Variants in TRIB1 observed in about 807,000 individuals in gnomAD.
The protein encoded by TRIB1 is tribbles pseudokinase 1.
Under a neutral mutation model 27.8 loss-of-function variants are expected in TRIB1, and 12 were observed. That is an observed-to-expected ratio of 0.43 (90% CI 0.28 to 0.70). TRIB1 has a LOEUF of 0.70. Ranked by LOEUF, TRIB1 falls within the 30% of genes least tolerant of loss-of-function variation. The pLI, the probability that TRIB1 is intolerant of heterozygous loss-of-function variation, is 0.18. For synonymous variants in TRIB1, 230 were observed against 224.9 expected (o/e 1.02, Z -0.20); for missense variants, 475 against 515.8 (o/e 0.92, Z 0.77).
chr8:125,430,380 T>C lies in TRIB1; in HGVS notation c.-523T>C, dbSNP rs184720308. ...CTCACACTCACTCACAGTCACTCTC[T>C]CTGAGCGCGTCTCGCTCGCTCTCAT... On this transcript the variant is annotated 5_prime_UTR_variant, in exon 1 of 3. Transcript: ENST00000311922. The C allele has an allele frequency of 6.5e-6, 1 of 153,456 alleles. No individual in the cohort carries two copies. The highest frequency in any genetic ancestry group is 2.4e-5 in the African/African-American group (1 of 41,558). The allele number at this position is 153,456 out of a possible 1,614,324, so 9.5% of individuals were successfully genotyped here. A position where few individuals can be genotyped will look rare whatever the true frequency, so the allele number is the denominator to read the frequency against.
Position 125,433,053 on chromosome 8 carries a change from A to G in TRIB1, c.361-264A>G, listed in dbSNP as rs72647339. 85 of 463,572 alleles carry G rather than the reference A, an allele frequency of 1.8e-4. 1 individual carries two copies. Among genetic ancestry groups the G allele is most frequent in the Non-Finnish European group, 7.8e-6 (2 of 255,490 alleles). The allele number at this position is 463,572 out of a possible 1,614,324, so 28.7% of individuals were successfully genotyped here. On this transcript the variant is annotated intron_variant, in intron 1 of 2. Transcript: ENST00000311922. The surrounding 1 kb of genome is among the most constrained non-coding windows in gnomAD (Gnocchi z 4.4). ...GACAGAAGATGGGAACATGTACAGG[A>G]GACAGTTCTTTCAAATCATCTGTGT...
Position 125,433,190 on chromosome 8 carries a change from G to A in TRIB1, c.361-127G>A. ...TAAGGTAAGGTGGCAGAGGAAAGGA[G>A]TAGGTGAATGGAACTTACTCACATC... On this transcript the variant is annotated intron_variant, in intron 1 of 2. Transcript: ENST00000311922. The surrounding 1 kb of genome is among the most constrained non-coding windows in gnomAD (Gnocchi z 4.4). 1 of 995,088 alleles carries A rather than the reference G, an allele frequency of 1.0e-6. No individual in the cohort carries two copies. Among genetic ancestry groups the A allele is most frequent in the East Asian group, 2.4e-5 (1 of 41,250 alleles). 61.6% of individuals were successfully genotyped at this position (995,088 alleles called of 1,614,324 possible). A position where few individuals can be genotyped will look rare whatever the true frequency, so the allele number is the denominator to read the frequency against.
At position 125,436,602 on chromosome 8, in the gene TRIB1, G is replaced by A; in HGVS notation, c.*131G>A. On this transcript the variant is annotated 3_prime_UTR_variant, in exon 3 of 3. Transcript: ENST00000311922. ...GATGAAAGCTGCTGAACTCGGCATG[G>A]CGCCTCCTCTTCTCTGTTGGGATGA... is the stretch of plus-strand genomic sequence containing the variant. 1.2e-6 allele frequency: 1 copy of A among 833,110 alleles called. No homozygotes were observed. The highest frequency in any genetic ancestry group is 1.9e-6 in the Non-Finnish European group (1 of 538,330). The allele number at this position is 833,110 out of a possible 1,614,324, so 51.6% of individuals were successfully genotyped here. A position where few individuals can be genotyped will look rare whatever the true frequency, so the allele number is the denominator to read the frequency against.
At position 125,436,212 on chromosome 8, in the gene TRIB1, C is replaced by T; in HGVS notation, c.860C>T (p.Ser287Leu). 1 of 1,614,164 alleles carries T rather than the reference C, an allele frequency of 6.2e-7. No individual in the cohort carries two copies. The highest frequency in any genetic ancestry group is 8.5e-7 in the Non-Finnish European group (1 of 1,180,034). ...GTTGGACGATACCCCTTCCATGACT[C>T]AGACCCCAGTGCCCTTTTCTCCAAA... ...LLVGRYPFHD[S>L]DPSALFSKIR... The change falls in exon 3 of 3, where the codon TCA becomes TTA. Residue 287 changes from serine (S) to leucine (L), a missense_variant. Transcript: ENST00000311922.
chr8:125,434,844 T>A (rs1814721888), intron 2 of TRIB1, among the ~76,000 whole-genome samples: 2 of 151,892 alleles, frequency 1.3e-5, no homozygotes, highest in Non-Finnish European at 2.9e-5. Context: ...CCAATGGGTA[T>A]TTTACATAAC....
Position 125,431,068 on chromosome 8 carries a change from C to G in TRIB1, c.166C>G (p.Pro56Ala). ...CCCGCGCCTCTCCGAGTGCTCCAGCCCCCCGGACTACCTCAGCCCCCCCGG... is the reference window on the plus strand; with the variant it reads ...CCCGCGCCTCTCCGAGTGCTCCAGCGCCCCGGACTACCTCAGCCCCCCCGG... ...KCPRLSECSSPPDYLSPPGSP... is the reference protein window; with the variant it reads ...KCPRLSECSSAPDYLSPPGSP... Residue 56 changes from proline to alanine, a missense_variant, in exon 1 of 3, where the codon CCC becomes GCC. Physicochemically the swap from Pro to Ala is conservative, Grantham distance 27. Coordinates refer to ENST00000311922, the MANE Select transcript of TRIB1 (RefSeq NM_025195.4). The G allele has an allele frequency of 7.0e-7, 1 of 1,433,248 alleles. No individual in the cohort carries two copies. Among genetic ancestry groups the G allele is most frequent in the Non-Finnish European group, 9.1e-7 (1 of 1,100,348 alleles). The allele number at this position is 1,433,248 out of a possible 1,614,324, so 88.8% of individuals were successfully genotyped here.
Position 125,433,563 on chromosome 8 carries a change from C to G in TRIB1, c.607C>G (p.Leu203Val). The G allele has an allele frequency of 1.9e-6, 3 of 1,612,728 alleles. No homozygotes were observed. The highest frequency in any genetic ancestry group is 2.5e-6 in the Non-Finnish European group (3 of 1,178,872). ...VAHCHQSAIV[L>V]GDLKLRKFVF... ...CCACTGCCACCAGTCAGCCATCGTG[C>G]TGGGGGACCTGAAGCTTAGGAAGTT... Residue 203 changes from leucine (L) to valine (V), a missense_variant, in exon 2 of 3, where the codon CTG (leucine) becomes GTG (valine). Physicochemically the swap from Leu to Val is conservative, Grantham distance 32. Coordinates refer to ENST00000311922, the MANE Select transcript of TRIB1 (RefSeq NM_025195.4). The surrounding 1 kb of genome is among the most constrained non-coding windows in gnomAD (Gnocchi z 4.4).
At chr8:125,435,481 A>C (rs12541939) in intron 2 of TRIB1, among the ~76,000 whole-genome samples, 11,100 of 152,184 alleles carry the variant, frequency 0.073, 997 homozygotes, top group African/African-American at 0.2. Context: ...CAGTGTGGGC[A>C]CCAGCGCTGA....
Position 125,438,000 on chromosome 8 carries a change from C to T in TRIB1, c.*1529C>T, listed in dbSNP as rs1247402056. On this transcript the variant is annotated 3_prime_UTR_variant, in exon 3 of 3. Coordinates refer to ENST00000311922, the MANE Select transcript of TRIB1 (RefSeq NM_025195.4). ...GAGAATGCCGTGTATACCTCACGTA[C>T]TGTGTACTTTGTACATATATTTTAC... 6 of 152,800 alleles carry T rather than the reference C, an allele frequency of 3.9e-5. No homozygotes were observed. The highest frequency in any genetic ancestry group is 2.0e-4 in the Admixed American group (3 of 15,276). 9.5% of individuals were successfully genotyped at this position (152,800 alleles called of 1,614,324 possible). A position where few individuals can be genotyped will look rare whatever the true frequency, so the allele number is the denominator to read the frequency against.
Position 125,431,133 on chromosome 8 carries a change from G to A in TRIB1, c.231G>A (p.Gly77=). The A allele has an allele frequency of 1.5e-6, 2 of 1,317,014 alleles. No homozygotes were observed. The highest frequency in any genetic ancestry group is 1.9e-6 in the Non-Finnish European group (2 of 1,041,120). The allele number at this position is 1,317,014 out of a possible 1,614,324, so 81.6% of individuals were successfully genotyped here. A position where few individuals can be genotyped will look rare whatever the true frequency, so the allele number is the denominator to read the frequency against. The change falls in exon 1 of 3, where the codon GGG becomes GGA. Residue 77 remains glycine (G), a synonymous_variant. Transcript: ENST00000311922. ...CGCAGCCCCCGCCTGCCGCTCCGGGGGCCGGCGGAGGCTCCGGGAGCGCGC... is the reference window on the plus strand; with the variant it reads ...CGCAGCCCCCGCCTGCCGCTCCGGGAGCCGGCGGAGGCTCCGGGAGCGCGC... ...CSPQPPPAAP[G]AGGGSGSAPG...
At position 125,433,159 on chromosome 8, in the gene TRIB1, G is replaced by C. The variant is rs1280873470; in HGVS notation, c.361-158G>C. ...TTTAAAGGTGTCAGGGGCAGCTGGG[G>C]CTGCGTAAGGTAAGGTGGCAGAGGA... On this transcript the variant is annotated intron_variant, in intron 1 of 2. Coordinates refer to ENST00000311922, the MANE Select transcript of TRIB1 (RefSeq NM_025195.4). This position sits in a 1 kb window ranked among gnomAD's most constrained non-coding sequence, Gnocchi z 4.4. The C allele has an allele frequency of 2.6e-6, 2 of 760,712 alleles. No homozygotes were observed. The highest frequency in any genetic ancestry group is 4.3e-6 in the Non-Finnish European group (2 of 462,744). 47.1% of individuals were successfully genotyped at this position (760,712 alleles called of 1,614,324 possible).
intron 2 of TRIB1, 78 bp from the exon 3 acceptor site, chr8:125,435,928 T>C (rs1814739963): frequency 7.9e-7 from 1 of 1,262,008 alleles, no homozygotes; most frequent in Non-Finnish European, 1.1e-6. Flanking sequence ...TTAGTGCCTG[T>C]GGGCGCTGTT....
intron 2 of TRIB1, 46 bp from the exon 3 acceptor site, chr8:125,435,949 CTTTGTTTTTCA>C (rs1814740258): frequency 1.3e-6 from 2 of 1,483,192 alleles, no homozygotes; most frequent in Admixed American, 4.0e-5. Flanking sequence ...ATTGGGAAGG[CTTTGTTTTTCA>C]TAGCAGCTGG....
intron 1 of TRIB1, among the ~76,000 whole-genome samples, chr8:125,431,897 C>T (rs1586847294): frequency 1.3e-5 from 2 of 152,204 alleles, no homozygotes; most frequent in Non-Finnish European, 2.9e-5. Flanking sequence ...CAGGAACCCT[C>T]GCTTCGATTC....
rs1208735184 is a variant in TRIB1 at position 125,431,038 on chromosome 8, A to G, written c.136A>G (p.Lys46Glu). 2.1e-6 allele frequency: 3 copies of G among 1,457,226 alleles called. No individual in the cohort carries two copies. Among genetic ancestry groups the G allele is most frequent in the South Asian group, 2.7e-5 (2 of 75,080 alleles). The allele number at this position is 1,457,226 out of a possible 1,614,324, so 90.3% of individuals were successfully genotyped here. A position where few individuals can be genotyped will look rare whatever the true frequency, so the allele number is the denominator to read the frequency against. The change falls in exon 1 of 3, where the codon AAG becomes GAG. Residue 46 changes from lysine (K) to glutamate (E), a missense_variant. By Grantham distance (56) the Lys-to-Glu change is moderately conservative (BLOSUM62 1). Coordinates refer to ENST00000311922, the MANE Select transcript of TRIB1 (RefSeq NM_025195.4). ...DADDAAAVAA[K>E]CPRLSECSSP... Reference sequence around the variant, plus strand: ...CGACGACGCGGCGGCTGTGGCGGCCAAGTGCCCGCGCCTCTCCGAGTGCTC... The same window carrying G: ...CGACGACGCGGCGGCTGTGGCGGCCGAGTGCCCGCGCCTCTCCGAGTGCTC...
At chr8:125,434,894 A>G (rs1010631146) in intron 2 of TRIB1, among the ~76,000 whole-genome samples, 2 of 151,494 alleles carry the variant, frequency 1.3e-5, no homozygotes, top group African/African-American at 4.9e-5. Flanking sequence ...AAGTTAGCAC[A>G]TGTATACTAC....
intron 2 of TRIB1, 62 bp from the exon 3 acceptor site, chr8:125,435,944 G>T: frequency 6.9e-7 from 1 of 1,441,956 alleles, no homozygotes; most frequent in Non-Finnish European, 9.5e-7. Flanking sequence ...CTGTTATTGG[G>T]AAGGCTTTGT....
chr8:125,431,219 C>G lies in TRIB1; in HGVS notation c.317C>G (p.Ser106Cys), dbSNP rs1814650623. ...CCCCTAGCCGAGCGCGAGCATGTGT[C>G]CCGGGCGCTGTGCATCCACACTGGA... Reference protein sequence around the residue: ...LLPLAEREHVSRALCIHTGRE... With the variant: ...LLPLAEREHVCRALCIHTGRE... The change falls in exon 1 of 3, where the codon TCC (serine) becomes TGC (cysteine). Residue 106 changes from serine (S) to cysteine (C), a missense_variant. Physicochemically the swap from Ser to Cys is moderately radical, Grantham distance 112. Transcript: ENST00000311922. The G allele has an allele frequency of 1.6e-6, 2 of 1,277,104 alleles. No homozygotes were observed. The highest frequency in any genetic ancestry group is 1.5e-5 in the African/African-American group (1 of 64,914). The allele number at this position is 1,277,104 out of a possible 1,614,324, so 79.1% of individuals were successfully genotyped here. A position where few individuals can be genotyped will look rare whatever the true frequency, so the allele number is the denominator to read the frequency against.
In TRIB1 at chr8:125,433,342, A is replaced by G. The variant is rs1814693872; in HGVS notation, c.386A>G (p.Asp129Gly). 1 of 1,614,046 alleles carries G rather than the reference A, an allele frequency of 6.2e-7. No homozygotes were observed. Among genetic ancestry groups the G allele is most frequent in the Non-Finnish European group, 8.5e-7 (1 of 1,179,936 alleles). Residue 129 changes from aspartate (D) to glycine (G), a missense_variant, in exon 2 of 3, where the codon GAC (aspartate) becomes GGC (glycine). Transcript: ENST00000311922. The surrounding 1 kb of genome is among the most constrained non-coding windows in gnomAD (Gnocchi z 4.4). ...GTGTTTCCCATTAAACACTACCAGG[A>G]CAAAATCAGGCCTTACATCCAGCTG... ...CKVFPIKHYQDKIRPYIQLPS... is the reference protein window; with the variant it reads ...CKVFPIKHYQGKIRPYIQLPS...
Sources: gnomAD v4.1 joint callset for allele counts (sites outside exome capture counted in the v4.1 genomes callset) on GRCh38, gnomAD v4.1.1 for gene constraint, Gnocchi (gnomAD v3.1) non-coding constraint, MANE v1.5 for transcripts, NCBI Gene and HGNC (gene_info 2026-07-23, HGNC 2026-07-21) for gene names.